TPST2: variants seen among roughly 807,000 people sequenced by gnomAD.
The protein encoded by TPST2 is tyrosylprotein sulfotransferase 2, also known as protein-tyrosine sulfotransferase 2.
TPST2 carries 16 observed loss-of-function variants against 27.8 expected under a neutral mutation model. That is an observed-to-expected ratio of 0.58 (90% CI 0.39 to 0.88). The LOEUF is 0.88. Among genes scored for constraint, TPST2 ranks in the 40% least tolerant of loss-of-function variants. The pLI is 0.00. For missense variants in TPST2, 464 were observed against 543.1 expected, an observed-to-expected ratio of 0.85 and a Z score of 1.45; for synonymous variants, 229 against 231.7, an observed-to-expected ratio of 0.99 and a Z score of 0.10.
At chr22:26,552,935 C>A in intron 1 of TPST2, among the ~76,000 whole-genome samples, 1 of 151,932 alleles carries the variant, frequency 6.6e-6, no homozygotes, top group African/African-American at 2.4e-5. Context: ...TGGCGGGCGC[C>A]TGTAGTCCCA....
At chr22:26,575,847 T>A (rs1331543677) in intron 1 of TPST2, among the ~76,000 whole-genome samples, 1 of 151,856 alleles carries the variant, frequency 6.6e-6, no homozygotes. Context: ...TACAAAAAAA[T>A]TAGCCGGGCC....
Position 26,541,647 on chromosome 22 carries a change from G to A in TPST2, c.-17C>T. 5 of 1,545,274 alleles carry A rather than the reference G, an allele frequency of 3.2e-6. No homozygotes were observed. Among genetic ancestry groups the A allele is most frequent in the Non-Finnish European group, 4.3e-6 (5 of 1,152,318 alleles). ...CAGGCGCATGCTGGGCCGGAGGCAGGGTAGGCCTGGCCTGAGGGCCCGCTT... is the reference window on the plus strand; with the variant it reads ...CAGGCGCATGCTGGGCCGGAGGCAGAGTAGGCCTGGCCTGAGGGCCCGCTT... On this transcript the variant is annotated 5_prime_UTR_variant, in exon 3 of 7. Transcript: ENST00000338754. The surrounding 1 kb of genome is among the most constrained non-coding windows in gnomAD (Gnocchi z 5.9).
At position 26,583,118 on chromosome 22, in the gene TPST2, GAA is replaced by G. The variant is rs113898345; in HGVS notation, c.-161+6933_-161+6934del. Among the ~76,000 whole-genome samples the G allele has an allele frequency of 1.6e-3, 156 of 99,530 alleles. 1 individual carries two copies. Among genetic ancestry groups the G allele is most frequent in the Middle Eastern group, 5.7e-3 (1 of 176 alleles). The allele number at this position is 99,530 out of a possible 152,430, so 65.3% of individuals were successfully genotyped here. ...CAGAGCGAGACTCCATCTCAAAAAGGAAAAAAAAAAAAAAAAAGAACAAAACA... is the reference window on the plus strand; with the variant it reads ...CAGAGCGAGACTCCATCTCAAAAAGGAAAAAAAAAAAAAAAGAACAAAACA... On this transcript the variant is annotated intron_variant, in intron 1 of 6. Coordinates refer to ENST00000338754, the MANE Select transcript of TPST2 (RefSeq NM_003595.5).
chr22:26,549,303 G>C (rs1984630755), intron 1 of TPST2, among the ~76,000 whole-genome samples: 1 of 152,206 alleles, frequency 6.6e-6, no homozygotes, highest in Non-Finnish European at 1.5e-5. Flanking sequence ...GGAAAGGCCA[G>C]TTTCCAAATG....
At position 26,536,472 on chromosome 22, in the gene TPST2, G is replaced by T. The variant is rs373340063; in HGVS notation, c.857C>A (p.Thr286Lys). Residue 286 changes from threonine to lysine, a missense_variant, in exon 4 of 7, where the codon ACG becomes AAG. By Grantham distance (78) the Thr-to-Lys change is moderately conservative (BLOSUM62 -1). Coordinates refer to ENST00000338754, the MANE Select transcript of TPST2 (RefSeq NM_003595.5). Reference sequence around the variant, plus strand: ...GTTAACAGGCTTGATGACCTGGTCCGTGGACCGCTCGATCCTGGGGAGAGA... The same window carrying T: ...GTTAACAGGCTTGATGACCTGGTCCTTGGACCGCTCGATCCTGGGGAGAGA... Reference protein sequence around the residue: ...GVSLSKIERSTDQVIKPVNLE... With the variant: ...GVSLSKIERSKDQVIKPVNLE... 9.1e-6 allele frequency: 14 copies of T among 1,537,506 alleles called. No homozygotes were observed. The highest frequency in any genetic ancestry group is 1.2e-5 in the Non-Finnish European group (14 of 1,142,074).
At chr22:26,576,258 G>T (rs1233406620) in intron 1 of TPST2, among the ~76,000 whole-genome samples, 1 of 151,892 alleles carries the variant, frequency 6.6e-6, no homozygotes, top group South Asian at 2.1e-4. Flanking sequence ...CAACGATGGA[G>T]CTGGTCTTCT....
rs79309559 is a variant in TPST2, at chr22:26,549,911, G to A, written c.-160-5236C>T. Among the ~76,000 whole-genome samples the A allele has an allele frequency of 7.3e-3, 1,083 of 148,096 alleles. 14 individuals are homozygous for A. The highest frequency in any genetic ancestry group is 0.035 in the East Asian group (176 of 5,012). On this transcript the variant is annotated intron_variant, in intron 1 of 6. Transcript: ENST00000338754. ...AAATTAGCCGGGTGTGGGGGATCGC[G>A]CTTGGGAGCTCCCAGCTACTCAGGA...
intron 3 of TPST2, among the ~76,000 whole-genome samples, chr22:26,538,235 T>G (rs1261043223): frequency 6.6e-6 from 1 of 151,992 alleles, no homozygotes; most frequent in East Asian, 1.9e-4. Flanking sequence ...CAGGGGAAGG[T>G]GAAAGGGTGT....
At chr22:26,589,367 T>C (rs185766432) in intron 1 of TPST2, among the ~76,000 whole-genome samples, 2 of 152,124 alleles carry the variant, frequency 1.3e-5, no homozygotes, top group East Asian at 3.9e-4. Flanking sequence ...TCTGAGCCCA[T>C]GCTCCCAGTC....
intron 1 of TPST2, among the ~76,000 whole-genome samples, chr22:26,588,026 TGA>T (rs35544748): frequency 0.33 from 50,502 of 151,734 alleles, 8,880 homozygotes; most frequent in Middle Eastern, 0.43. Context: ...GAAATATACC[TGA>T]GAGAACTGAA....
intron 5 of TPST2, among the ~76,000 whole-genome samples, chr22:26,529,212 C>T (rs1353107481): frequency 6.6e-6 from 1 of 152,002 alleles, no homozygotes. Context: ...CTGCAACCTC[C>T]GCGTCCTGAG....
intron 1 of TPST2, among the ~76,000 whole-genome samples, chr22:26,572,583 C>T (rs1927671858): frequency 6.6e-6 from 1 of 152,148 alleles, no homozygotes; most frequent in Admixed American, 6.6e-5. Context: ...TGCTTATCTC[C>T]TCAGCTAAAG....
intron 1 of TPST2, among the ~76,000 whole-genome samples, chr22:26,572,655 T>C (rs1311773750): frequency 6.6e-6 from 1 of 152,152 alleles, no homozygotes; most frequent in Non-Finnish European, 1.5e-5. Context: ...TACCCTCCTA[T>C]GTCTCACAGT....
At chr22:26,583,713 G>A (rs541758215) in intron 1 of TPST2, among the ~76,000 whole-genome samples, 130 of 151,768 alleles carry the variant, frequency 8.6e-4, no homozygotes, top group South Asian at 2.1e-4. Flanking sequence ...GGTGGCATGC[G>A]ACTGTAATCC....
At chr22:26,545,101 G>A (rs926864473) in intron 1 of TPST2, among the ~76,000 whole-genome samples, 12 of 152,286 alleles carry the variant, frequency 7.9e-5, no homozygotes, top group Non-Finnish European at 1.6e-4. Context: ...GTTGTGGACT[G>A]CACAATTCCA....
intron 5 of TPST2, 152 bp from the exon 6 acceptor site, chr22:26,528,414 G>T (rs2078808474): frequency 7.8e-6 from 8 of 1,028,622 alleles, no homozygotes; most frequent in Admixed American, 2.2e-5. Flanking sequence ...TGCTGGGATA[G>T]CGTGGTGAGC....
chr22:26,553,264 G>T (rs902782738), intron 1 of TPST2, among the ~76,000 whole-genome samples: 2 of 151,822 alleles, frequency 1.3e-5, no homozygotes, highest in African/African-American at 2.4e-5. Context: ...AAAACAAATA[G>T]TTGATTGAAA....
chr22:26,541,024 C>T lies in TPST2; in HGVS notation c.607G>A (p.Asp203Asn). 1 of 1,614,116 alleles carries T rather than the reference C, an allele frequency of 6.2e-7. No homozygotes were observed. The highest frequency in any genetic ancestry group is 8.5e-7 in the Non-Finnish European group (1 of 1,180,040). The change falls in exon 3 of 7, where the codon GAC becomes AAC. Residue 203 changes from aspartate (D) to asparagine (N), a missense_variant. Transcript: ENST00000338754. This position sits in a 1 kb window ranked among gnomAD's most constrained non-coding sequence, Gnocchi z 5.9. ...AGGCAGTCACGGTAGCTGCTGAGGT[C>T]AAAGCCCGCAATGGTGACTTTGCGC... ...ITRKVTIAGFDLSSYRDCLTK... is the reference protein window; with the variant it reads ...ITRKVTIAGFNLSSYRDCLTK...
At chr22:26,534,055 C>T (rs955270664) in intron 4 of TPST2, among the ~76,000 whole-genome samples, 10 of 152,022 alleles carry the variant, frequency 6.6e-5, no homozygotes, top group African/African-American at 2.4e-4. Context: ...TTGTCCTAAG[C>T]CTTCAAAATC....
Sources: gnomAD v4.1 joint callset for allele counts (sites outside exome capture counted in the v4.1 genomes callset) on GRCh38, gnomAD v4.1.1 for gene constraint, Gnocchi (gnomAD v3.1) non-coding constraint, MANE v1.5 for transcripts, NCBI Gene and HGNC (gene_info 2026-07-23, HGNC 2026-07-21) for gene names.